BTNL3: variants seen among roughly 807,000 people sequenced by gnomAD.
BTNL3 encodes the protein butyrophilin like 3, also known as butyrophilin-like protein 3.
Under a neutral mutation model 40.1 loss-of-function variants are expected in BTNL3, and 20 were observed. The ratio of observed to expected loss-of-function variants is 0.50; its 90% CI spans 0.35 to 0.72. The LOEUF (loss-of-function observed/expected upper bound fraction) is 0.72, where lower values mean the gene tolerates loss of function less well. BTNL3 is among the 30% of genes least tolerant of loss of function. The pLI is 0.01. For missense variants in BTNL3, 449 were observed against 582.2 expected (o/e 0.77, Z 2.35); for synonymous variants, 179 against 222.1 (o/e 0.81, Z 1.73).
At chr5:181,005,235 T>C (rs1760199259) in intron 7 of BTNL3, 99 bp from the exon 8 acceptor site, 1 of 1,579,068 alleles carries the variant, frequency 6.3e-7, no homozygotes, top group African/African-American at 1.3e-5. Context: ...GGCCGGATCC[T>C]ACCCGGAGCC....
rs566567828 is a variant in BTNL3 at position 181,000,363 on chromosome 5, A to T, written c.674-2309A>T. ...CTTGCAAATCTAGAAATAGAAGAAA[A>T]TTTTTTTTATCAATCTAGAAATAGG... On this transcript the variant is annotated intron_variant, in intron 3 of 7. Transcript: ENST00000342868. 8.0e-5 allele frequency among the ~76,000 whole-genome samples: 11 copies of T among 136,972 alleles called. 2 individuals are homozygous for T. Among genetic ancestry groups the T allele is most frequent in the Non-Finnish European group, 1.2e-4 (7 of 59,886 alleles). 89.9% of individuals were successfully genotyped at this position (136,972 alleles called of 152,430 possible).
Position 180,994,167 on chromosome 5 carries a change from T to TCTATTGCTTTTCTTCTTTCC in BTNL3, c.397+1008_397+1027dup, listed in dbSNP as rs1245289703. ...TTGTAGTTTTCCTTATTCTTCTTTT[T>TCTATTGCTTTTCTTCTTTCC]CTATTGCTTTTCTTCTTTCCTAATA... On this transcript the variant is annotated intron_variant, in intron 2 of 7. Coordinates refer to ENST00000342868, the MANE Select transcript of BTNL3 (RefSeq NM_197975.3). 8.0e-5 allele frequency among the ~76,000 whole-genome samples: 11 copies of TCTATTGCTTTTCTTCTTTCC among 137,612 alleles called. 2 individuals are homozygous for TCTATTGCTTTTCTTCTTTCC. The highest frequency in any genetic ancestry group is 1.8e-4 in the Non-Finnish European group (11 of 60,076). The allele number at this position is 137,612 out of a possible 152,430, so 90.3% of individuals were successfully genotyped here.
rs1759935482 is a variant in BTNL3 at position 180,988,902 on chromosome 5, T to C, written c.-127T>C. ...AGGCTCTAGGGAGAAATGCACAGTT[T>C]GACATCGTTCATGAAGAGCCTCTCC... On this transcript the variant is annotated 5_prime_UTR_variant, in exon 1 of 8. Coordinates refer to ENST00000342868, the MANE Select transcript of BTNL3 (RefSeq NM_197975.3). 1 of 1,102,946 alleles carries C rather than the reference T, an allele frequency of 9.1e-7. No individual in the cohort carries two copies. Among genetic ancestry groups the C allele is most frequent in the Non-Finnish European group, 1.3e-6 (1 of 774,336 alleles). The allele number at this position is 1,102,946 out of a possible 1,614,324, so 68.3% of individuals were successfully genotyped here. A position where few individuals can be genotyped will look rare whatever the true frequency, so the allele number is the denominator to read the frequency against.
chr5:181,000,678 C>T (rs887674862), intron 3 of BTNL3, among the ~76,000 whole-genome samples: 4 of 131,400 alleles, frequency 3.0e-5, no homozygotes, highest in African/African-American at 5.2e-5. Flanking sequence ...CGGTGGCGGG[C>T]GCCTGTAGTC....
chr5:181,006,132 A>T lies in BTNL3; in HGVS notation c.*260A>T. On this transcript the variant is annotated 3_prime_UTR_variant, in exon 8 of 8. Coordinates refer to ENST00000342868, the MANE Select transcript of BTNL3 (RefSeq NM_197975.3). ...CTGCCCTGAAGTGGGGACGGAATAG[A>T]CTCACATTAGGTTTAGTTTGTGAAA... 1 of 464,028 alleles carries T rather than the reference A, an allele frequency of 2.2e-6. No individual in the cohort carries two copies. The highest frequency in any genetic ancestry group is 3.8e-6 in the Non-Finnish European group (1 of 266,178). 28.7% of individuals were successfully genotyped at this position (464,028 alleles called of 1,614,324 possible).
chr5:181,002,855 C>G lies in BTNL3; in HGVS notation c.787+70C>G. On this transcript the variant is annotated intron_variant, in intron 4 of 7. Coordinates refer to ENST00000342868, the MANE Select transcript of BTNL3 (RefSeq NM_197975.3). ...CCAGTGGAGCTGATATCAGGCTGCC[C>G]TCACACACCTCTGGGCTCTGCTCTT... 3.6e-6 allele frequency: 5 copies of G among 1,399,206 alleles called. 1 individual carries two copies. Among genetic ancestry groups the G allele is most frequent in the Non-Finnish European group, 4.9e-6 (5 of 1,013,198 alleles). The allele number at this position is 1,399,206 out of a possible 1,614,324, so 86.7% of individuals were successfully genotyped here.
chr5:180,989,943 T>C (rs1759946543), intron 1 of BTNL3, among the ~76,000 whole-genome samples: 1 of 136,612 alleles, frequency 7.3e-6, no homozygotes, highest in Non-Finnish European at 1.7e-5. Context: ...GTGGATCACC[T>C]GAGGTCAGGA....
At position 181,003,698 on chromosome 5, in the gene BTNL3, C is replaced by T. The variant is rs182753468; in HGVS notation, c.788-158C>T. Reference sequence around the variant, plus strand: ...TCTTGCTCCACCCCAGAGAGCCACACTCCGTGCAGGGGCTGGGGAGACGAG... The same window carrying T: ...TCTTGCTCCACCCCAGAGAGCCACATTCCGTGCAGGGGCTGGGGAGACGAG... On this transcript the variant is annotated intron_variant, in intron 4 of 7. Transcript: ENST00000342868. Among the ~76,000 whole-genome samples the T allele has an allele frequency of 5.3e-5, 8 of 150,450 alleles. No individual in the cohort carries two copies. In the East Asian group the frequency reaches 1.4e-3, roughly 26 times the overall value.
rs1561961229 is a variant in BTNL3, at chr5:181,003,909, G to T, written c.808+33G>T. On this transcript the variant is annotated intron_variant, in intron 5 of 7. Transcript: ENST00000342868. ...TCATGTCCTGAGCCTCCCACACATG[G>T]TTCTCCCGGGTCCCTCCCTGATCCA... 3.1e-6 allele frequency: 5 copies of T among 1,613,994 alleles called. 1 individual carries two copies. The South Asian group carries it at 5.5e-5, about 18-fold the overall frequency.
rs1462551287 is a variant in BTNL3 at position 180,992,392 on chromosome 5, T to C, written c.50-421T>C. ...GGCCACTTACTCCCCTCCTGGGTCATTAAAAAAGGTTTTTAGCATAGAAGA... is the reference window on the plus strand; with the variant it reads ...GGCCACTTACTCCCCTCCTGGGTCACTAAAAAAGGTTTTTAGCATAGAAGA... On this transcript the variant is annotated intron_variant, in intron 1 of 7. Coordinates refer to ENST00000342868, the MANE Select transcript of BTNL3 (RefSeq NM_197975.3). Among the ~76,000 whole-genome samples the C allele has an allele frequency of 1.5e-5, 2 of 137,272 alleles. 1 individual carries two copies. Among genetic ancestry groups the C allele is most frequent in the Non-Finnish European group, 3.3e-5 (2 of 59,946 alleles). 90.1% of individuals were successfully genotyped at this position (137,272 alleles called of 152,430 possible). A position where few individuals can be genotyped will look rare whatever the true frequency, so the allele number is the denominator to read the frequency against.
Position 180,992,663 on chromosome 5 carries a change from C to T in BTNL3, c.50-150C>T, listed in dbSNP as rs1047932719. On this transcript the variant is annotated intron_variant, in intron 1 of 7. Transcript: ENST00000342868. ...AGTAACTGACATGGAAGCATTCTCG[C>T]AAGTGTAAGATGTGCAAATGCAAGT... The T allele has an allele frequency of 4.9e-6, 5 of 1,019,414 alleles. No individual in the cohort carries two copies. In the African/African-American group the frequency reaches 7.8e-5, roughly 16 times the overall value. 63.1% of individuals were successfully genotyped at this position (1,019,414 alleles called of 1,614,324 possible). A position where few individuals can be genotyped will look rare whatever the true frequency, so the allele number is the denominator to read the frequency against.
intron 4 of BTNL3, among the ~76,000 whole-genome samples, chr5:181,003,411 G>A (rs1041916710): frequency 2.2e-5 from 3 of 135,496 alleles, no homozygotes; most frequent in Non-Finnish European, 5.1e-5. Context: ...TTCTACTAAC[G>A]ACAACAAGAG....
In BTNL3 at chr5:181,005,553, A is replaced by T; in HGVS notation, c.1082A>T (p.Asp361Val). The T allele has an allele frequency of 6.2e-7, 1 of 1,614,006 alleles. No individual in the cohort carries two copies. Among genetic ancestry groups the T allele is most frequent in the Non-Finnish European group, 8.5e-7 (1 of 1,179,994 alleles). ...VGWYVGVCRD[D>V]VDRGKNNVTL... ...TGGTATGTGGGAGTGTGTCGGGATGACGTAGACAGGGGGAAGAACAATGTG... is the reference window on the plus strand; with the variant it reads ...TGGTATGTGGGAGTGTGTCGGGATGTCGTAGACAGGGGGAAGAACAATGTG... The change falls in exon 8 of 8, where the codon GAC becomes GTC. Residue 361 changes from aspartate (D) to valine (V), a missense_variant. Coordinates refer to ENST00000342868, the MANE Select transcript of BTNL3 (RefSeq NM_197975.3).
rs937219330 is a variant in BTNL3 at position 180,994,889 on chromosome 5, C to T, written c.397+1729C>T. On this transcript the variant is annotated intron_variant, in intron 2 of 7. Coordinates refer to ENST00000342868, the MANE Select transcript of BTNL3 (RefSeq NM_197975.3). ...CAAGCTCTGCCTTCCGGGTTCACGCCATTCTCCTGCCTCAGCCTCCGGAGT... is the reference window on the plus strand; with the variant it reads ...CAAGCTCTGCCTTCCGGGTTCACGCTATTCTCCTGCCTCAGCCTCCGGAGT... Among the ~76,000 whole-genome samples the T allele has an allele frequency of 5.9e-5, 8 of 134,542 alleles. 3 individuals carry two copies. Among genetic ancestry groups the T allele is most frequent in the Non-Finnish European group, 1.4e-4 (8 of 58,944 alleles). 88.3% of individuals were successfully genotyped at this position (134,542 alleles called of 152,430 possible).
rs1016880645 is a variant in BTNL3 at position 180,997,436 on chromosome 5, C to T, written c.621C>T (p.Ser207=). Residue 207 remains serine (S), a synonymous_variant, in exon 3 of 8, where the codon TCC becomes TCT. Coordinates refer to ENST00000342868, the MANE Select transcript of BTNL3 (RefSeq NM_197975.3). ...VQENAGSILC[S]IHLAEQSHEV... is the part of the protein sequence containing the mutation. ...AAAATGCTGGGAGCATATTGTGTTC[C>T]ATCCACCTTGCTGAGCAGAGTCATG... The T allele has an allele frequency of 1.4e-6, 2 of 1,463,316 alleles. No homozygotes were observed. The highest frequency in any genetic ancestry group is 2.8e-5 in the African/African-American group (2 of 72,574). 90.6% of individuals were successfully genotyped at this position (1,463,316 alleles called of 1,614,324 possible).
chr5:181,000,626 G>A (rs1411007202), intron 3 of BTNL3, among the ~76,000 whole-genome samples: 1 of 131,506 alleles, frequency 7.6e-6, no homozygotes. Context: ...CTAACAAGGT[G>A]AAACCCCGTC....
Position 181,006,102 on chromosome 5 carries a change from C to A in BTNL3, c.*230C>A. ...GCCTGACCCTGTGGGAGTCAGAAGC[C>A]ATGGCTGCCCTGAAGTGGGGACGGA... is the stretch of plus-strand genomic sequence containing the variant. On this transcript the variant is annotated 3_prime_UTR_variant, in exon 8 of 8. Transcript: ENST00000342868. 1 of 500,798 alleles carries A rather than the reference C, an allele frequency of 2.0e-6. No individual in the cohort carries two copies. Among genetic ancestry groups the A allele is most frequent in the Non-Finnish European group, 3.5e-6 (1 of 289,504 alleles). The allele number at this position is 500,798 out of a possible 1,614,324, so 31.0% of individuals were successfully genotyped here.
At position 180,989,027 on chromosome 5, in the gene BTNL3, C is replaced by G; in HGVS notation, c.-2C>G. The stretch of plus-strand genomic sequence containing the variant: ...GTGTGAGATCAACCCACAGGAATAT[C>G]CATGGCTTTTGTGCTCATTTTGGTT... On this transcript the variant is annotated 5_prime_UTR_variant, in exon 1 of 8. It adds an upstream start codon to the 5' untranslated region. Coordinates refer to ENST00000342868, the MANE Select transcript of BTNL3 (RefSeq NM_197975.3). The G allele has an allele frequency of 1.4e-6, 2 of 1,450,876 alleles. No individual in the cohort carries two copies. Among genetic ancestry groups the G allele is most frequent in the South Asian group, 2.3e-5 (2 of 87,626 alleles). 89.9% of individuals were successfully genotyped at this position (1,450,876 alleles called of 1,614,324 possible). A position where few individuals can be genotyped will look rare whatever the true frequency, so the allele number is the denominator to read the frequency against.
At chr5:181,004,705 G>C in intron 6 of BTNL3, 31 bp from the exon 7 acceptor site, 1 of 1,613,938 alleles carries the variant, frequency 6.2e-7, no homozygotes, top group South Asian at 1.1e-5. Flanking sequence ...ACGTGAGCAC[G>C]GAACTGCCTG....
Sources: gnomAD v4.1 joint callset for allele counts (sites outside exome capture counted in the v4.1 genomes callset) on GRCh38, gnomAD v4.1.1 for gene constraint, MANE v1.5 for transcripts, NCBI Gene and HGNC (gene_info 2026-07-23, HGNC 2026-07-21) for gene names.